TMTC1: variants seen among roughly 807,000 people sequenced by gnomAD.
The protein encoded by TMTC1 is protein O-mannosyl-transferase TMTC1.
Under a neutral mutation model 104.8 loss-of-function variants are expected in TMTC1, and 73 were observed. The observed-to-expected ratio is 0.70, with a 90% CI of 0.58 to 0.85. TMTC1 has a LOEUF of 0.85. Ranked by LOEUF, TMTC1 falls within the 40% of genes least tolerant of loss-of-function variation. The pLI is 0.00. For synonymous variants in TMTC1, 434 were observed against 428.7 expected (o/e 1.01, Z -0.15); for missense variants, 1,035 against 1,096.1 (o/e 0.94, Z 0.79).
intron 6 of TMTC1, among the ~76,000 whole-genome samples, chr12:29,611,170 T>C (rs1946834487): frequency 7.2e-6 from 1 of 138,968 alleles, no homozygotes; most frequent in Non-Finnish European, 1.6e-5. Flanking sequence ...TCTTTGGTTC[T>C]GAACTTCTTT....
intron 5 of TMTC1, among the ~76,000 whole-genome samples, chr12:29,722,689 G>C (rs1463147248): frequency 2.6e-5 from 4 of 152,086 alleles, no homozygotes; most frequent in African/African-American, 7.2e-5. Context: ...GGAGGCCAAG[G>C]TGGGCAGAAC....
intron 6 of TMTC1, among the ~76,000 whole-genome samples, chr12:29,631,914 C>G (rs1014145642): frequency 3.9e-5 from 6 of 152,144 alleles, no homozygotes; most frequent in Non-Finnish European, 7.4e-5. Flanking sequence ...ATGGATAACT[C>G]AAGCCAGTGA....
rs115615419 is a variant in TMTC1, at chr12:29,529,467, C to T, written c.1785+6742G>A. On this transcript the variant is annotated intron_variant, in intron 11 of 17. Transcript: ENST00000539277. The stretch of plus-strand genomic sequence containing the variant: ...AGCCACAGAGTCTTAAAGTATATTC[C>T]TATTAGCCAAATGGCTTTATTAGTA... Among the ~76,000 whole-genome samples, 860 of 152,252 alleles carry T rather than the reference C, an allele frequency of 5.6e-3. 3 individuals carry two copies. Among genetic ancestry groups the T allele is most frequent in the African/African-American group, 0.02 (819 of 41,550 alleles).
At chr12:29,765,265 T>A (rs1325459708) in intron 2 of TMTC1, among the ~76,000 whole-genome samples, 2 of 152,188 alleles carry the variant, frequency 1.3e-5, no homozygotes, top group African/African-American at 4.8e-5. Context: ...TAACTTCCTA[T>A]GCATTGTAGA....
chr12:29,760,419 A>G (rs1228022205), intron 2 of TMTC1, among the ~76,000 whole-genome samples: 1 of 152,184 alleles, frequency 6.6e-6, no homozygotes, highest in East Asian at 1.9e-4. Context: ...AATATCAAAA[A>G]TATCAATGGA....
At chr12:29,555,567 G>A (rs1024935923) in intron 10 of TMTC1, among the ~76,000 whole-genome samples, 1 of 151,774 alleles carries the variant, frequency 6.6e-6, no homozygotes, top group Admixed American at 6.6e-5. Context: ...GAGTGAGAAC[G>A]TGTGGTGTTT....
At chr12:29,777,661 G>A (rs1367359213) in intron 1 of TMTC1, among the ~76,000 whole-genome samples, 1 of 151,862 alleles carries the variant, frequency 6.6e-6, no homozygotes, top group African/African-American at 2.4e-5. Context: ...TCCACCTCTT[G>A]GAGCTTCCAA....
In TMTC1 at chr12:29,660,005, A is replaced by T. The variant is rs186465994; in HGVS notation, c.939-26669T>A. The T allele has an allele frequency of 5.9e-6, 9 of 1,512,996 alleles. No homozygotes were observed. The East Asian group carries it at 2.2e-4, about 37-fold the overall frequency. The allele number at this position is 1,512,996 out of a possible 1,614,324, so 93.7% of individuals were successfully genotyped here. On this transcript the variant is annotated intron_variant, in intron 5 of 17. Transcript: ENST00000539277. ...GCACCTTCAGAAAATAAGAAGATTC[A>T]GTGAGATTGCCACCAATAATCTCCA...
chr12:29,699,017 G>A (rs1038775318), intron 5 of TMTC1, among the ~76,000 whole-genome samples: 24 of 152,192 alleles, frequency 1.6e-4, no homozygotes, highest in Non-Finnish European at 3.2e-4. Flanking sequence ...CTACCATCAA[G>A]ACTGGGAGAG....
intron 11 of TMTC1, among the ~76,000 whole-genome samples, chr12:29,525,683 G>A (rs1024572943): frequency 6.6e-6 from 1 of 151,938 alleles, no homozygotes; most frequent in East Asian, 1.9e-4. Context: ...GAAAGTAAAT[G>A]AGGTTTTGTT....
intron 5 of TMTC1, among the ~76,000 whole-genome samples, chr12:29,715,877 GA>G (rs1191513977): frequency 1.3e-5 from 2 of 152,122 alleles, no homozygotes; most frequent in Non-Finnish European, 2.9e-5. Flanking sequence ...CAGCATGGGG[GA>G]AACCACACCC....
intron 9 of TMTC1, among the ~76,000 whole-genome samples, chr12:29,566,147 G>A (rs1197269650): frequency 1.3e-5 from 2 of 152,178 alleles, no homozygotes; most frequent in Non-Finnish European, 1.5e-5. Flanking sequence ...TGGAGAAGCC[G>A]ATGACACATA....
chr12:29,696,389 G>A (rs1203036160), intron 5 of TMTC1, among the ~76,000 whole-genome samples: 1 of 152,102 alleles, frequency 6.6e-6, no homozygotes, highest in Non-Finnish European at 1.5e-5. Flanking sequence ...CTTCACTTCT[G>A]GATGTGACAA....
intron 16 of TMTC1, among the ~76,000 whole-genome samples, chr12:29,513,413 G>A (rs957465228): frequency 2.6e-4 from 39 of 151,924 alleles, no homozygotes; most frequent in Non-Finnish European, 2.5e-4. Flanking sequence ...TAAGAATGAC[G>A]ATATTGAAAA....
At chr12:29,642,532 A>C (rs1938899735) in intron 5 of TMTC1, among the ~76,000 whole-genome samples, 1 of 152,170 alleles carries the variant, frequency 6.6e-6, no homozygotes, top group Admixed American at 6.6e-5. Context: ...TTTCAGACAA[A>C]CAAATGCTGA....
rs1254232167 is a variant in TMTC1 at position 29,783,449 on chromosome 12, C to G, written c.302+1G>C. ...CGGCTAGCGCGAGGTGAGGGACTCA[C>G]TTGAAGGTGAGGACGCAGAGCGGCC... On this transcript the variant is annotated splice_donor_variant, in intron 1 of 17. Transcript: ENST00000539277. LOFTEE classifies it high-confidence loss of function. The surrounding 1 kb of genome is among the most constrained non-coding windows in gnomAD (Gnocchi z 4.7). 1 of 1,320,078 alleles carries G rather than the reference C, an allele frequency of 7.6e-7. No individual in the cohort carries two copies. The highest frequency in any genetic ancestry group is 3.2e-5 in the Admixed American group (1 of 30,888). The allele number at this position is 1,320,078 out of a possible 1,614,324, so 81.8% of individuals were successfully genotyped here. A position where few individuals can be genotyped will look rare whatever the true frequency, so the allele number is the denominator to read the frequency against.
Position 29,695,789 on chromosome 12 carries a change from CTT to C in TMTC1, c.938+55875_938+55876del, listed in dbSNP as rs201092670. On this transcript the variant is annotated intron_variant, in intron 5 of 17. Transcript: ENST00000539277. ...CTTCTCACAAATTTTAAACTACTTCCTTTTTATATATATATATATATATATAT... is the reference window on the plus strand; with the variant it reads ...CTTCTCACAAATTTTAAACTACTTCCTTTATATATATATATATATATATAT... 5.5e-3 allele frequency among the ~76,000 whole-genome samples: 535 copies of C among 96,604 alleles called. 8 individuals are homozygous for C. The highest frequency in any genetic ancestry group is 8.8e-3 in the South Asian group (27 of 3,076). The allele number at this position is 96,604 out of a possible 152,430, so 63.4% of individuals were successfully genotyped here.
chr12:29,676,394 A>G (rs1369326525), intron 5 of TMTC1, among the ~76,000 whole-genome samples: 1 of 152,208 alleles, frequency 6.6e-6, no homozygotes, highest in Non-Finnish European at 1.5e-5. Context: ...GGGTCCTATC[A>G]CTATTATCAG....
chr12:29,690,147 T>A (rs551249313), intron 5 of TMTC1, among the ~76,000 whole-genome samples: 1 of 152,306 alleles, frequency 6.6e-6, no homozygotes, highest in African/African-American at 2.4e-5. Flanking sequence ...AACTGACTCA[T>A]CCCAGAGCCT....
Sources: gnomAD v4.1 joint callset for allele counts (sites outside exome capture counted in the v4.1 genomes callset) on GRCh38, gnomAD v4.1.1 for gene constraint, Gnocchi (gnomAD v3.1) non-coding constraint, MANE v1.5 for transcripts, NCBI Gene and HGNC (gene_info 2026-07-23, HGNC 2026-07-21) for gene names.